ZNF439: variants seen among roughly 807,000 people sequenced by gnomAD.
ZNF439 encodes the protein zinc finger protein 439.
ZNF439 carries 40 observed loss-of-function variants against 47.3 expected under a neutral mutation model. That is an observed-to-expected ratio of 0.85 (90% CI 0.66 to 1.10). ZNF439 has a LOEUF of 1.10. ZNF439 is among the 50% of genes least tolerant of loss of function. ZNF439 has a pLI of 0.00. For missense variants in ZNF439, 556 were observed against 601.1 expected (o/e 0.93, Z 0.78); for synonymous variants, 171 against 198.8 (o/e 0.86, Z 1.18).
At chr19:11,866,120 T>G (rs777943292) in intron 1 of ZNF439, 85 bp from the exon 2 acceptor site, 10 of 1,589,758 alleles carry the variant, frequency 6.3e-6, no homozygotes, top group Non-Finnish European at 8.5e-6. Context: ...GTCCACGGCA[T>G]CCTGAGAACT....
At position 11,868,562 on chromosome 19, in the gene ZNF439, C is replaced by A. The variant is rs147161829; in HGVS notation, c.1508C>A (p.Thr503Asn). Residue 503 changes from threonine to asparagine, a missense_variant, in exon 4 of 4, where the codon ACC (threonine) becomes AAC (asparagine). By Grantham distance (65) the Thr-to-Asn change is moderately conservative. Coordinates refer to ENST00000682736, the MANE Select transcript of ZNF439 (RefSeq NM_001348719.2). ...CATAAGAATGCACTCTGGAGAAAGA[C>A]CTTATAAATATAAGATATATGGGAA... The part of the protein sequence containing the change: ...QTHKNALWRK[T>N]L 1.1e-5 allele frequency: 17 copies of A among 1,603,220 alleles called. No individual in the cohort carries two copies. The African/African-American group carries it at 1.9e-4, about 18-fold the overall frequency.
intron 1 of ZNF439, chr19:11,856,570 A>G (rs1339919042): frequency 2.6e-5 from 4 of 152,260 alleles, no homozygotes; most frequent in Non-Finnish European, 5.9e-5. Flanking sequence ...AGGCTGCTAT[A>G]TGTGTAACAT....
At chr19:11,860,055 G>A (rs969889112) in intron 1 of ZNF439, among the ~76,000 whole-genome samples, 1 of 152,076 alleles carries the variant, frequency 6.6e-6, no homozygotes, top group Non-Finnish European at 1.5e-5. Context: ...TTTCCACATC[G>A]AAAGTGCCTG....
chr19:11,866,926 C>T (rs1226411462), intron 3 of ZNF439, among the ~76,000 whole-genome samples: 1 of 152,070 alleles, frequency 6.6e-6, no homozygotes, highest in African/African-American at 2.4e-5. Context: ...ACTCAGGAGG[C>T]TGAGACATGA....
intron 1 of ZNF439, among the ~76,000 whole-genome samples, chr19:11,862,249 G>A (rs58177438): frequency 2.6e-5 from 4 of 152,092 alleles, no homozygotes; most frequent in South Asian, 2.1e-4. Context: ...TCCATTGTAC[G>A]GATGTTACCA....
chr19:11,849,111 C>T, intron 1 of ZNF439, 181 bp downstream of exon 1: 2 of 1,164,400 alleles, frequency 1.7e-6, no homozygotes. Context: ...GGCGTCCTGT[C>T]CCGTCCCTGC....
At position 11,862,100 on chromosome 19, in the gene ZNF439, A is replaced by T. The variant is rs188619147; in HGVS notation, c.64-4105A>T. ...TTATTTTTATTTATTTATCTAAAAAATTTTTTTGTTTTGTTAGAGACAGGG... is the reference window on the plus strand; with the variant it reads ...TTATTTTTATTTATTTATCTAAAAATTTTTTTTGTTTTGTTAGAGACAGGG... On this transcript the variant is annotated intron_variant, in intron 1 of 3. Coordinates refer to ENST00000682736, the MANE Select transcript of ZNF439 (RefSeq NM_001348719.2). Among the ~76,000 whole-genome samples the T allele has an allele frequency of 2.8e-3, 424 of 152,148 alleles. 2 individuals are homozygous for T. Among genetic ancestry groups the T allele is most frequent in the Non-Finnish European group, 2.4e-3 (164 of 67,974 alleles).
rs78529141 is a variant in ZNF439 at position 11,864,803 on chromosome 19, T to C, written c.64-1402T>C. Among the ~76,000 whole-genome samples, 1,099 of 152,176 alleles carry C rather than the reference T, an allele frequency of 7.2e-3. 6 individuals are homozygous for C. The highest frequency in any genetic ancestry group is 0.025 in the African/African-American group (1,056 of 41,554). On this transcript the variant is annotated intron_variant, in intron 1 of 3. Coordinates refer to ENST00000682736, the MANE Select transcript of ZNF439 (RefSeq NM_001348719.2). ...AAGATATTGTTTTCTTTCTTTCTTT[T>C]TTTTTTTTGAGATGCAGTTTCACTC...
At chr19:11,850,889 GA>G (rs1976219621) in intron 1 of ZNF439, 1 of 152,106 alleles carries the variant, frequency 6.6e-6, no homozygotes, top group Non-Finnish European at 1.5e-5. Context: ...AAATTAGCCG[GA>G]TGTGGTGGCC....
In ZNF439 at chr19:11,868,061, G is replaced by A. The variant is rs143256704; in HGVS notation, c.1007G>A (p.Cys336Tyr). The A allele has an allele frequency of 6.2e-7, 1 of 1,614,204 alleles. No homozygotes were observed. Among genetic ancestry groups the A allele is most frequent in the East Asian group, 2.2e-5 (1 of 44,886 alleles). Residue 336 changes from cysteine to tyrosine, a missense_variant, in exon 4 of 4, where the codon TGT becomes TAT. Physicochemically the swap from Cys to Tyr is radical, Grantham distance 194. Coordinates refer to ENST00000682736, the MANE Select transcript of ZNF439 (RefSeq NM_001348719.2). ...SRKKLYECKQ[C>Y]GKALSSLTSF... is the part of the protein sequence containing the mutation. ...AAAAAACTTTATGAATGTAAGCAGT[G>A]TGGGAAAGCATTATCCTCTCTTACA... is the stretch of plus-strand genomic sequence containing the variant.
intron 1 of ZNF439, among the ~76,000 whole-genome samples, chr19:11,852,383 C>T (rs937543514): frequency 6.6e-6 from 1 of 152,196 alleles, no homozygotes; most frequent in African/African-American, 2.4e-5. Flanking sequence ...AATCTGTAAT[C>T]AAGGAAAGAG....
chr19:11,858,465 CG>C (rs1351254304), intron 1 of ZNF439, among the ~76,000 whole-genome samples: 5 of 109,126 alleles, frequency 4.6e-5, no homozygotes, highest in African/African-American at 1.5e-4. Context: ...GACTCCATCT[CG>C]GAAAAAAAAA....
chr19:11,868,328 G>T lies in ZNF439; in HGVS notation c.1274G>T (p.Arg425Ile). Residue 425 changes from arginine (R) to isoleucine (I), a missense_variant, in exon 4 of 4, where the codon AGA (arginine) becomes ATA (isoleucine). Physicochemically the swap from Arg to Ile is moderately conservative, Grantham distance 97. Coordinates refer to ENST00000682736, the MANE Select transcript of ZNF439 (RefSeq NM_001348719.2). ...YECKQCGKAF[R>I]SAPNLQLHGR... ...TGTAAGCAATGTGGGAAAGCCTTCA[G>T]ATCTGCCCCAAATCTTCAATTGCAT... 6.2e-7 allele frequency: 1 copy of T among 1,602,382 alleles called. No individual in the cohort carries two copies. Among genetic ancestry groups the T allele is most frequent in the Non-Finnish European group, 8.5e-7 (1 of 1,170,644 alleles).
At chr19:11,849,829 G>A (rs1467376786) in intron 1 of ZNF439, 3 of 152,140 alleles carry the variant, frequency 2.0e-5, no homozygotes, top group Admixed American at 2.0e-4. Context: ...TGCCTTGCGT[G>A]GCCTTAGGTC....
At chr19:11,857,996 T>C (rs1976432195) in intron 1 of ZNF439, 1 of 152,096 alleles carries the variant, frequency 6.6e-6, no homozygotes, top group African/African-American at 2.4e-5. Flanking sequence ...AGGAAACATA[T>C]TCAGAGTCTC....
intron 1 of ZNF439, among the ~76,000 whole-genome samples, chr19:11,853,894 G>C (rs1403145427): frequency 6.6e-6 from 1 of 152,142 alleles, no homozygotes; most frequent in African/African-American, 2.4e-5. Flanking sequence ...TCCAAATATT[G>C]AGGCTCTCTA....
chr19:11,852,990 T>C (rs961322798), intron 1 of ZNF439, among the ~76,000 whole-genome samples: 1 of 152,128 alleles, frequency 6.6e-6, no homozygotes, highest in Non-Finnish European at 1.5e-5. Flanking sequence ...TGTGCAGTGG[T>C]GCAATCTCGG....
At chr19:11,860,555 G>A (rs3096449) in intron 1 of ZNF439, among the ~76,000 whole-genome samples, 28,621 of 152,016 alleles carry the variant, frequency 0.19, 3,645 homozygotes, top group Non-Finnish European at 0.27. Context: ...GTTCACGGCC[G>A]CCGCTTTGCC....
At position 11,867,337 on chromosome 19, in the gene ZNF439, A is replaced by G. The variant is rs1290477899; in HGVS notation, c.283A>G (p.Lys95Glu). Residue 95 changes from lysine (K) to glutamate (E), a missense_variant, in exon 4 of 4, where the codon AAA (lysine) becomes GAA (glutamate). Lys to Glu is a moderately conservative substitution (Grantham distance 56, BLOSUM62 1). Coordinates refer to ENST00000682736, the MANE Select transcript of ZNF439 (RefSeq NM_001348719.2). ...CACAGAAGAGAAAGTCAATGAAATT[A>G]AAGAAGACAGTCATTGTGGAGAAAC... ...SVTEEKVNEIKEDSHCGETFT... is the reference protein window; with the variant it reads ...SVTEEKVNEIEEDSHCGETFT... 2.5e-6 allele frequency: 4 copies of G among 1,612,886 alleles called. No individual in the cohort carries two copies. The African/African-American group carries it at 4.0e-5, about 16-fold the overall frequency.
Sources: allele counts gnomAD v4.1 joint callset (sites outside exome capture counted in the v4.1 genomes callset), GRCh38; gene constraint gnomAD v4.1.1; transcripts MANE v1.5; gene names NCBI Gene and HGNC (gene_info 2026-07-23, HGNC 2026-07-21).